The following CHD6 variants were observed in gnomAD, a reference collection of about 807,000 sequenced individuals.
The protein encoded by CHD6 is chromodomain helicase DNA binding protein 6.
A neutral mutation model predicts 276.9 loss-of-function variants in CHD6; 50 were observed. That is an observed-to-expected ratio of 0.18 (90% CI 0.14 to 0.23). The LOEUF is 0.23. Among genes scored for constraint, CHD6 ranks in the 10% least tolerant of loss-of-function variants. CHD6 has a pLI of 1.00. For missense variants in CHD6, 2,564 were observed against 3,365.8 expected, an observed-to-expected ratio of 0.76 and a Z score of 5.89; for synonymous variants, 1,173 against 1,229.3, an observed-to-expected ratio of 0.95 and a Z score of 0.96.
intron 2 of CHD6, among the ~76,000 whole-genome samples, chr20:41,545,716 G>A (rs1427266160): frequency 6.6e-6 from 1 of 152,076 alleles, no homozygotes; most frequent in Non-Finnish European, 1.5e-5. Context: ...CTTTGTCCTA[G>A]TTCACCCTTG....
At chr20:41,419,974 C>T (rs553023733) in intron 31 of CHD6, among the ~76,000 whole-genome samples, 1 of 152,272 alleles carries the variant, frequency 6.6e-6, no homozygotes, top group South Asian at 2.1e-4. Flanking sequence ...CTTTTTATTT[C>T]TGTTGAGTTA....
At chr20:41,426,271 C>G in intron 27 of CHD6, 118 bp from the exon 28 acceptor site, 1 of 768,640 alleles carries the variant, frequency 1.3e-6, no homozygotes, top group Non-Finnish European at 2.4e-6. Context: ...TGCCCATGAA[C>G]AACTCAGACC....
At chr20:41,410,016 C>T (rs374452604) in intron 36 of CHD6, among the ~76,000 whole-genome samples, 2 of 152,140 alleles carry the variant, frequency 1.3e-5, no homozygotes, top group East Asian at 1.9e-4. Context: ...ATGCAGCCCG[C>T]GCAATGATAA....
chr20:41,479,902 A>G (rs891883929), intron 16 of CHD6, among the ~76,000 whole-genome samples: 3 of 152,234 alleles, frequency 2.0e-5, no homozygotes, highest in Non-Finnish European at 2.9e-5. Context: ...AAGAACAAAC[A>G]TAACACATAC....
At chr20:41,519,572 G>A (rs1227688892) in intron 3 of CHD6, among the ~76,000 whole-genome samples, 1 of 152,092 alleles carries the variant, frequency 6.6e-6, no homozygotes, top group Non-Finnish European at 1.5e-5. Context: ...ACAAACTGCA[G>A]GAAACAATTC....
chr20:41,521,681 A>G (rs1335400014), intron 3 of CHD6, among the ~76,000 whole-genome samples: 1 of 152,168 alleles, frequency 6.6e-6, no homozygotes, highest in Non-Finnish European at 1.5e-5. Context: ...CAATGAGTAC[A>G]CCTAACACTC....
intron 27 of CHD6, among the ~76,000 whole-genome samples, chr20:41,433,304 G>A (rs1188982215): frequency 2.0e-5 from 3 of 152,046 alleles, no homozygotes. Context: ...AAATCCGTAA[G>A]CACATAAAAT....
intron 1 of CHD6, among the ~76,000 whole-genome samples, chr20:41,555,126 TC>T (rs1463645046): frequency 9.4e-6 from 1 of 106,378 alleles, no homozygotes; most frequent in Non-Finnish European, 1.9e-5. Context: ...CCCACCTCCC[TC>T]CCCGACGGGG....
rs549607003 is a variant in CHD6 at position 41,513,494 on chromosome 20, T to C, written c.703-499A>G. 3.9e-5 allele frequency among the ~76,000 whole-genome samples: 6 copies of C among 152,306 alleles called. No homozygotes were observed. The South Asian group carries it at 1.2e-3, about 32-fold the overall frequency. The stretch of plus-strand genomic sequence containing the variant: ...AACTAATTAGTATCAATTTTTTGGA[T>C]TTACTTTGAGAATCTCGTAACACTT... On this transcript the variant is annotated intron_variant, in intron 4 of 36. Transcript: ENST00000373233.
chr20:41,493,381 TG>T (rs1410902922), intron 10 of CHD6, among the ~76,000 whole-genome samples, 156 bp downstream of exon 10: 1 of 152,092 alleles, frequency 6.6e-6, no homozygotes, highest in African/African-American at 2.4e-5. Context: ...AAGTTCGATC[TG>T]GGGTGGAAAA....
At chr20:41,483,197 C>T in intron 16 of CHD6, 112 bp downstream of exon 16, 4 of 899,682 alleles carry the variant, frequency 4.4e-6, no homozygotes, top group Non-Finnish European at 6.6e-6. Flanking sequence ...AGATTCCTTT[C>T]CTCCGTTTTT....
chr20:41,409,132 C>T (rs1238971106), intron 36 of CHD6, among the ~76,000 whole-genome samples: 5 of 152,206 alleles, frequency 3.3e-5, no homozygotes, highest in African/African-American at 7.2e-5. Flanking sequence ...ATAAAGAGAA[C>T]GCTCTTCATT....
intron 3 of CHD6, among the ~76,000 whole-genome samples, chr20:41,525,718 C>T (rs796154983): frequency 6.6e-6 from 1 of 152,184 alleles, no homozygotes; most frequent in African/African-American, 2.4e-5. Context: ...TTGCTTTAAG[C>T]CTTTTCTCAT....
intron 27 of CHD6, among the ~76,000 whole-genome samples, chr20:41,433,621 T>C (rs557248058): frequency 1.3e-5 from 2 of 151,992 alleles, no homozygotes; most frequent in South Asian, 2.1e-4. Flanking sequence ...GAGATTTCTC[T>C]AAAAAGAAAG....
Position 41,610,087 on chromosome 20 carries a change from C to T in CHD6, c.-24+8253G>A, listed in dbSNP as rs577553742. Among the ~76,000 whole-genome samples, 183 of 152,208 alleles carry T rather than the reference C, an allele frequency of 1.2e-3. 1 individual carries two copies. The highest frequency in any genetic ancestry group is 4.2e-3 in the African/African-American group (176 of 41,554). ...GGCCAGGCTGGTCTCGAACTCCTGA[C>T]ATCAAGTGATCTGCCCACCTCACCT... On this transcript the variant is annotated intron_variant, in intron 1 of 36. Transcript: ENST00000373233.
At chr20:41,541,629 T>G (rs1386031328) in intron 2 of CHD6, among the ~76,000 whole-genome samples, 2 of 151,940 alleles carry the variant, frequency 1.3e-5, no homozygotes, top group Non-Finnish European at 2.9e-5. Context: ...ATAAGTGAAG[T>G]TGGTGGGAAA....
intron 3 of CHD6, among the ~76,000 whole-genome samples, chr20:41,529,576 G>A (rs1286170876): frequency 6.6e-6 from 1 of 152,162 alleles, no homozygotes; most frequent in African/African-American, 2.4e-5. Context: ...ACTGAGACTT[G>A]CACTCAGACC....
intron 2 of CHD6, among the ~76,000 whole-genome samples, chr20:41,546,259 A>G (rs1038262195): frequency 2.0e-5 from 3 of 152,170 alleles, no homozygotes; most frequent in Admixed American, 6.5e-5. Context: ...ATCTGAAGAA[A>G]ACTCTTCCCA....
At chr20:41,576,748 T>A (rs2045478641) in intron 1 of CHD6, among the ~76,000 whole-genome samples, 1 of 152,198 alleles carries the variant, frequency 6.6e-6, no homozygotes, top group South Asian at 2.1e-4. Context: ...GCACCAGACC[T>A]GAGGACGCTC....
Sources: gnomAD v4.1 joint callset for allele counts (sites outside exome capture counted in the v4.1 genomes callset) on GRCh38, gnomAD v4.1.1 for gene constraint, MANE v1.5 for transcripts, NCBI Gene and HGNC (gene_info 2026-07-23, HGNC 2026-07-21) for gene names.